Variants in POC1B observed in about 807,000 individuals in gnomAD.
POC1B encodes POC1 centriolar protein homolog B.
A neutral mutation model predicts 60.6 loss-of-function variants in POC1B; 44 were observed. That is an observed-to-expected ratio of 0.73 (90% confidence interval 0.57 to 0.93). The LOEUF is 0.93. Among genes scored for constraint, POC1B ranks in the 40% least tolerant of loss-of-function variants. The probability of loss-of-function intolerance (pLI) is 0.00; values close to 1 mark genes in which losing one functional copy is unlikely to be tolerated. For missense variants in POC1B, 555 were observed against 572.3 expected, an observed-to-expected ratio of 0.97 and a Z score of 0.31; for synonymous variants, 180 against 198.9, an observed-to-expected ratio of 0.90 and a Z score of 0.80.
intron 4 of POC1B, chr12:89,472,505 T>A: frequency 2.8e-6 from 1 of 361,930 alleles, no homozygotes. Context: ...GTTGCTTTTT[T>A]CCTTTTATTC....
chr12:89,486,969 G>A (rs921030456), intron 4 of POC1B, among the ~76,000 whole-genome samples: 1 of 151,514 alleles, frequency 6.6e-6, no homozygotes, highest in Non-Finnish European at 1.5e-5. Context: ...ATACTTTCAG[G>A]TATGGCTGTA....
intron 2 of POC1B, chr12:89,500,201 A>C: frequency 8.8e-6 from 14 of 1,598,678 alleles, no homozygotes; most frequent in Non-Finnish European, 1.2e-5. Context: ...TGTTCTGGAA[A>C]TCTTACAAGA....
the POC1B span, among the ~76,000 whole-genome samples, chr12:89,401,850 A>G: frequency 6.6e-6 from 1 of 152,268 alleles, no homozygotes; most frequent in African/African-American, 2.4e-5. Flanking sequence ...TGCTGTAATC[A>G]AGAAAACTAC....
intron 11 of POC1B, among the ~76,000 whole-genome samples, chr12:89,421,637 C>A (rs796385): frequency 0.34 from 51,962 of 151,910 alleles, 9,307 homozygotes; most frequent in Admixed American, 0.4. Flanking sequence ...ATTCCACATG[C>A]CAGCCAGATG....
At chr12:89,443,498 T>C (rs1463832300) in intron 10 of POC1B, among the ~76,000 whole-genome samples, 10 of 151,934 alleles carry the variant, frequency 6.6e-5, no homozygotes, top group Middle Eastern at 3.2e-3. Flanking sequence ...TGCTCCTGAA[T>C]GACTACTGGG....
At chr12:89,473,866 A>G (rs966675063) in intron 4 of POC1B, among the ~76,000 whole-genome samples, 4 of 151,958 alleles carry the variant, frequency 2.6e-5, no homozygotes, top group South Asian at 2.1e-4. Flanking sequence ...GAACCTGGGG[A>G]AAAAAACCTA....
At chr12:89,479,055 TTCA>T (rs1291272982) in intron 4 of POC1B, among the ~76,000 whole-genome samples, 3 of 152,224 alleles carry the variant, frequency 2.0e-5, no homozygotes, top group East Asian at 1.9e-4. Flanking sequence ...TGATGTTTTC[TTCA>T]TCATATGTTT....
intron 10 of POC1B, among the ~76,000 whole-genome samples, chr12:89,458,228 G>T (rs765200075): frequency 6.6e-6 from 1 of 152,168 alleles, no homozygotes; most frequent in African/African-American, 2.4e-5. Flanking sequence ...TCGCTACAGG[G>T]GGAAAACCTA....
chr12:89,498,437 T>C (rs1329620389), intron 2 of POC1B, among the ~76,000 whole-genome samples: 2 of 152,202 alleles, frequency 1.3e-5, no homozygotes, highest in Non-Finnish European at 2.9e-5. Flanking sequence ...AATCACTAAA[T>C]CTGGATTGTA....
At chr12:89,410,607 G>C in the POC1B span, among the ~76,000 whole-genome samples, 2 of 151,358 alleles carry the variant, frequency 1.3e-5, no homozygotes, top group Non-Finnish European at 2.9e-5. Context: ...GTGAACCTGA[G>C]AGGCGGAGCT....
At chr12:89,500,296 C>T in intron 2 of POC1B, 1 of 1,530,046 alleles carries the variant, frequency 6.5e-7, no homozygotes, top group Non-Finnish European at 9.0e-7. Context: ...AAATAAAAGA[C>T]ACTTGTATTC....
At chr12:89,519,145 T>A (rs1201855529) in intron 2 of POC1B, among the ~76,000 whole-genome samples, 1 of 152,180 alleles carries the variant, frequency 6.6e-6, no homozygotes, top group African/African-American at 2.4e-5. Flanking sequence ...ATTGCTTCCT[T>A]TTATAGTGGT....
chr12:89,464,886 G>A (rs1293651484), intron 9 of POC1B, among the ~76,000 whole-genome samples: 2 of 151,462 alleles, frequency 1.3e-5, no homozygotes, highest in Non-Finnish European at 2.9e-5. Context: ...TTATATCACA[G>A]GGCCTCAAAG....
At chr12:89,520,039 TAC>T (rs963186813) in intron 2 of POC1B, 16 of 152,200 alleles carry the variant, frequency 1.1e-4, no homozygotes, top group Non-Finnish European at 1.9e-4. Flanking sequence ...GATGTAGAAT[TAC>T]AGAGTATTTT....
intron 2 of POC1B, among the ~76,000 whole-genome samples, chr12:89,513,250 G>GGA (rs375959834): frequency 7.7e-6 from 1 of 129,160 alleles, no homozygotes; most frequent in African/African-American, 2.9e-5. Context: ...TCAAGAATTT[G>GGA]AAAAAAAAAA....
chr12:89,465,011 T>A (rs555220957), intron 9 of POC1B, among the ~76,000 whole-genome samples: 1 of 152,060 alleles, frequency 6.6e-6, no homozygotes, highest in Admixed American at 6.6e-5. Context: ...AAAAAAAAAT[T>A]CAGTCACAAG....
chr12:89,495,731 T>C (rs1334401000), intron 3 of POC1B, among the ~76,000 whole-genome samples: 2 of 152,126 alleles, frequency 1.3e-5, no homozygotes, highest in Admixed American at 6.5e-5. Context: ...AAGTGCATTA[T>C]TACATTTATT....
At chr12:89,525,540 C>T in intron 1 of POC1B, 1 of 1,294,934 alleles carries the variant, frequency 7.7e-7, no homozygotes, top group Non-Finnish European at 9.7e-7. Flanking sequence ...GGATGCGCCT[C>T]GGCTTTGGTA....
At chr12:89,405,906 A>G in the POC1B span, among the ~76,000 whole-genome samples, 3 of 151,918 alleles carry the variant, frequency 2.0e-5, no homozygotes, top group Non-Finnish European at 2.9e-5. Flanking sequence ...GTGTAGTGAA[A>G]TATGACTGTG....
Sources: gnomAD v4.1 joint callset for allele counts (sites outside exome capture counted in the v4.1 genomes callset) on GRCh38, gnomAD v4.1.1 for gene constraint, MANE v1.5 for transcripts, NCBI Gene and HGNC (gene_info 2026-07-23, HGNC 2026-07-21) for gene names.